The following APBA2 variants were observed in gnomAD, a reference collection of about 807,000 sequenced individuals.
APBA2 encodes amyloid-beta A4 precursor protein-binding family A member 2.
APBA2 carries 30 observed loss-of-function variants against 75.0 expected under a neutral mutation model. The ratio of observed to expected loss-of-function variants is 0.40; its 90% CI spans 0.30 to 0.54. APBA2 has a LOEUF of 0.54. Ranked by LOEUF, APBA2 falls within the 20% of genes least tolerant of loss-of-function variation. APBA2 has a pLI of 0.49. For missense variants in APBA2, 801 were observed against 1,016.1 expected (o/e 0.79, Z 2.88); for synonymous variants, 444 against 409.6 (o/e 1.08, Z -1.01).
At chr15:29,017,231 A>G (rs1241240390) in intron 3 of APBA2, among the ~76,000 whole-genome samples, 1 of 151,950 alleles carries the variant, frequency 6.6e-6, no homozygotes, top group Non-Finnish European at 1.5e-5. Flanking sequence ...TGCTGCACGC[A>G]CTTCTGGGAG....
chr15:29,078,701 G>A (rs1021452914), intron 6 of APBA2, among the ~76,000 whole-genome samples: 3 of 151,546 alleles, frequency 2.0e-5, no homozygotes, highest in Non-Finnish European at 2.9e-5. Flanking sequence ...CAGGATTGGC[G>A]CTGTTGTGTC....
intron 3 of APBA2, among the ~76,000 whole-genome samples, chr15:29,000,240 A>G (rs1168243481): frequency 6.6e-6 from 1 of 152,222 alleles, no homozygotes; most frequent in East Asian, 1.9e-4. Flanking sequence ...AGCGTTTTCT[A>G]AAAATATGAA....
intron 2 of APBA2, among the ~76,000 whole-genome samples, chr15:28,992,591 T>C (rs1319725345): frequency 6.6e-6 from 1 of 152,220 alleles, no homozygotes; most frequent in Non-Finnish European, 1.5e-5. Flanking sequence ...GTCAGGCAGC[T>C]GAGGCTGTGT....
At chr15:29,059,558 T>C (rs1314494834) in intron 4 of APBA2, among the ~76,000 whole-genome samples, 1 of 152,212 alleles carries the variant, frequency 6.6e-6, no homozygotes, top group East Asian at 1.9e-4. Flanking sequence ...TCTTCTCAGC[T>C]AGTGTTTTAT....
intron 4 of APBA2, among the ~76,000 whole-genome samples, chr15:29,057,661 A>T (rs2041960472): frequency 6.6e-6 from 1 of 152,184 alleles, no homozygotes; most frequent in Non-Finnish European, 1.5e-5. Flanking sequence ...TATAATTTTC[A>T]TGATTATTTG....
chr15:29,114,771 T>TCA (rs1555417728), intron 14 of APBA2, among the ~76,000 whole-genome samples: 1 of 147,170 alleles, frequency 6.8e-6, no homozygotes, highest in Non-Finnish European at 1.5e-5. Context: ...TGAATGTACC[T>TCA]GAGTGTGCGT....
intron 2 of APBA2, among the ~76,000 whole-genome samples, chr15:28,945,987 G>A (rs1342612539): frequency 6.6e-6 from 1 of 152,210 alleles, no homozygotes; most frequent in Non-Finnish European, 1.5e-5. Flanking sequence ...TGGGTGTGAC[G>A]GGTTGAAGCA....
At chr15:28,924,634 G>T (rs1478735517) in intron 2 of APBA2, among the ~76,000 whole-genome samples, 1 of 152,248 alleles carries the variant, frequency 6.6e-6, no homozygotes, top group East Asian at 1.9e-4. Flanking sequence ...GCATTCTGCA[G>T]ATACACCACA....
chr15:28,931,905 G>C (rs2034584458), intron 2 of APBA2, among the ~76,000 whole-genome samples: 1 of 152,226 alleles, frequency 6.6e-6, no homozygotes, highest in Non-Finnish European at 1.5e-5. Context: ...AGACGTTCAA[G>C]TGGAGAAAGG....
chr15:29,067,600 G>T (rs927833733), intron 4 of APBA2, among the ~76,000 whole-genome samples: 1 of 152,204 alleles, frequency 6.6e-6, no homozygotes, highest in African/African-American at 2.4e-5. Context: ...AGTGATTGTG[G>T]TCATGCCTTG....
intron 2 of APBA2, among the ~76,000 whole-genome samples, chr15:28,940,356 CA>C (rs398043111): frequency 0.03 from 1,164 of 38,362 alleles, 5 homozygotes; most frequent in African/African-American, 0.046. Context: ...ACTAAAAATA[CA>C]AAAAAAAAAA....
At chr15:28,917,406 A>G (rs1211886180) in intron 1 of APBA2, among the ~76,000 whole-genome samples, 1 of 152,172 alleles carries the variant, frequency 6.6e-6, no homozygotes, top group African/African-American at 2.4e-5. Context: ...AGAATCCTGT[A>G]GCCCCATCTT....
Position 28,900,322 on chromosome 15 carries a change from C to A in APBA2, c.-205+14044C>A, listed in dbSNP as rs544992668. Among the ~76,000 whole-genome samples the A allele has an allele frequency of 2.0e-5, 3 of 152,306 alleles. No homozygotes were observed. In the South Asian group the frequency reaches 6.2e-4, roughly 32 times the overall value. Reference sequence around the variant, plus strand: ...AATGCTGGGCACCGTGCATCAGCGTCGTGGTGACGGCAGCATTGGGTGGAT... The same window carrying A: ...AATGCTGGGCACCGTGCATCAGCGTAGTGGTGACGGCAGCATTGGGTGGAT... On this transcript the variant is annotated intron_variant, in intron 1 of 14. Coordinates refer to ENST00000683413, the MANE Select transcript of APBA2 (RefSeq NM_001353788.2).
chr15:28,891,903 G>T (rs1014294052), intron 1 of APBA2, among the ~76,000 whole-genome samples: 1 of 152,148 alleles, frequency 6.6e-6, no homozygotes. Flanking sequence ...TGACATTGTC[G>T]TAAAGTTGTA....
chr15:28,943,225 G>A (rs534180847), intron 2 of APBA2, among the ~76,000 whole-genome samples: 1 of 152,158 alleles, frequency 6.6e-6, no homozygotes, highest in Admixed American at 6.5e-5. Flanking sequence ...CTTCTTCCTT[G>A]CCCTGGGACA....
intron 4 of APBA2, among the ~76,000 whole-genome samples, chr15:29,063,353 G>T (rs1238170283): frequency 8.7e-5 from 12 of 138,512 alleles, no homozygotes; most frequent in African/African-American, 3.3e-4. Context: ...TATGGGTGGT[G>T]CAGGGAGTTG....
At chr15:29,092,268 C>T (rs1020342782) in intron 6 of APBA2, among the ~76,000 whole-genome samples, 5 of 152,198 alleles carry the variant, frequency 3.3e-5, no homozygotes, top group Non-Finnish European at 5.9e-5. Context: ...CTAGCTGGAG[C>T]CTTATTGTCT....
intron 2 of APBA2, 97 bp from the exon 3 acceptor site, chr15:28,995,656 A>G (rs975444611): frequency 1.3e-5 from 2 of 152,182 alleles, no homozygotes; most frequent in Admixed American, 6.5e-5. Flanking sequence ...TCAAAGCCTC[A>G]TATTTACATT....
intron 2 of APBA2, among the ~76,000 whole-genome samples, chr15:28,989,587 T>A (rs865987386): frequency 2.6e-5 from 4 of 152,266 alleles, no homozygotes; most frequent in Middle Eastern, 3.4e-3. Flanking sequence ...CCTGCTTCCA[T>A]CCCTGAGCTG....
Sources: allele counts gnomAD v4.1 joint callset (sites outside exome capture counted in the v4.1 genomes callset), GRCh38; gene constraint gnomAD v4.1.1; transcripts MANE v1.5; gene names NCBI Gene and HGNC (gene_info 2026-07-23, HGNC 2026-07-21).